SRRM4: variants seen among roughly 807,000 people sequenced by gnomAD.
SRRM4 encodes serine/arginine repetitive matrix protein 4.
A neutral mutation model predicts 68.9 loss-of-function variants in SRRM4; 33 were observed. The ratio of observed to expected loss-of-function variants is 0.48; its 90% CI spans 0.36 to 0.64. The LOEUF (loss-of-function observed/expected upper bound fraction) is 0.64, where lower values mean the gene tolerates loss of function less well. SRRM4 is among the 30% of genes least tolerant of loss of function. The pLI, the probability that SRRM4 is intolerant of heterozygous loss-of-function variation, is 0.00. For synonymous variants in SRRM4, 318 were observed against 318.8 expected (o/e 1.00, Z 0.03); for missense variants, 817 against 827.1 (o/e 0.99, Z 0.15).
chr12:119,079,961 T>G (rs945519473), intron 1 of SRRM4, among the ~76,000 whole-genome samples: 5 of 152,156 alleles, frequency 3.3e-5, no homozygotes, highest in Non-Finnish European at 7.3e-5. Flanking sequence ...ATCTTTTTCT[T>G]TATTTAAATT....
rs1954461816 is a variant in SRRM4, at chr12:119,154,708, G to A, written c.1532+325G>A. Among the ~76,000 whole-genome samples the A allele has an allele frequency of 6.6e-6, 1 of 152,202 alleles. No individual in the cohort carries two copies. Among genetic ancestry groups the A allele is most frequent in the African/African-American group, 2.4e-5 (1 of 41,438 alleles). ...CTGGGGCCGGGGAGGCGGAGCTGGG[G>A]GAGAGAGTGGCGTCAGGCCAGGGAA... is the stretch of plus-strand genomic sequence containing the variant. On this transcript the variant is annotated intron_variant, in intron 12 of 12. Transcript: ENST00000267260. This position sits in a 1 kb window ranked among gnomAD's most constrained non-coding sequence, Gnocchi z 4.7.
Position 119,151,218 on chromosome 12 carries a change from A to G in SRRM4, c.1278A>G (p.Lys426=), listed in dbSNP as rs1408689272. ...AAAGCCGATCCACCTCTTCTGAAAA[A>G]AGGTGAGTGTGGTTTTGACCTTTGC... ...YTQSRSTSSE[K]RSYSRSPSYS... is the part of the protein sequence containing the mutation. The change falls in exon 10 of 13, where the codon AAA becomes AAG. Residue 426 remains lysine (K), a splice_region_variant and synonymous_variant. Coordinates refer to ENST00000267260, the MANE Select transcript of SRRM4 (RefSeq NM_194286.4). The G allele has an allele frequency of 1.2e-6, 2 of 1,613,722 alleles. No individual in the cohort carries two copies. Among genetic ancestry groups the G allele is most frequent in the Admixed American group, 3.3e-5 (2 of 60,036 alleles).
chr12:119,044,610 C>G (rs1261054743), intron 1 of SRRM4, among the ~76,000 whole-genome samples: 1 of 151,770 alleles, frequency 6.6e-6, no homozygotes, highest in African/African-American at 2.4e-5. Flanking sequence ...GCTGTGTAGA[C>G]TTGGCCAAGT....
intron 3 of SRRM4, among the ~76,000 whole-genome samples, chr12:119,116,000 G>C (rs540517829): frequency 6.7e-4 from 102 of 152,150 alleles, no homozygotes; most frequent in Admixed American, 2.2e-3. Flanking sequence ...TCCTACACAG[G>C]ATCTTCGGCT....
At chr12:119,077,872 TTCTC>T (rs966409819) in intron 1 of SRRM4, among the ~76,000 whole-genome samples, 9 of 152,218 alleles carry the variant, frequency 5.9e-5, no homozygotes, top group African/African-American at 1.9e-4. Flanking sequence ...TAGGGGAACT[TTCTC>T]TCTCCCCAAC....
chr12:119,001,507 AT>A (rs1251627245), intron 1 of SRRM4: 1 of 152,218 alleles, frequency 6.6e-6, no homozygotes, highest in African/African-American at 2.4e-5. Context: ...CTTTCTCTGT[AT>A]GAGTGGAAGA....
At chr12:119,132,017 ATTC>A (rs1445089476) in intron 8 of SRRM4, among the ~76,000 whole-genome samples, 2 of 152,214 alleles carry the variant, frequency 1.3e-5, no homozygotes, top group African/African-American at 2.4e-5. Context: ...TCTGCAGTGC[ATTC>A]CAGGAATCTT....
At chr12:118,986,957 C>T (rs67336842) in intron 1 of SRRM4, among the ~76,000 whole-genome samples, 35,573 of 151,756 alleles carry the variant, frequency 0.23, 4,338 homozygotes, top group African/African-American at 0.26. Flanking sequence ...TTTACCTTCC[C>T]GTGAAGTGGA....
chr12:118,989,934 G>A (rs1160026353), intron 1 of SRRM4: 2 of 152,248 alleles, frequency 1.3e-5, no homozygotes, highest in Admixed American at 6.5e-5. Context: ...TCTGCAGAAA[G>A]AGAGGTGCCA....
chr12:119,053,525 G>A (rs1406444947), intron 1 of SRRM4, among the ~76,000 whole-genome samples: 1 of 152,178 alleles, frequency 6.6e-6, no homozygotes, highest in Non-Finnish European at 1.5e-5. Context: ...AAAGGTTTGT[G>A]ACTCTCTGTT....
At chr12:119,023,037 T>G (rs1224297256) in intron 1 of SRRM4, among the ~76,000 whole-genome samples, 1 of 152,224 alleles carries the variant, frequency 6.6e-6, no homozygotes, top group African/African-American at 2.4e-5. Context: ...TACTCCGTAC[T>G]TTTACCTACA....
At chr12:119,137,939 A>G (rs2136061677) in intron 8 of SRRM4, among the ~76,000 whole-genome samples, 1 of 152,192 alleles carries the variant, frequency 6.6e-6, no homozygotes, top group East Asian at 1.9e-4. Context: ...GAAGGAAGAG[A>G]TGAAACATAC....
intron 1 of SRRM4, among the ~76,000 whole-genome samples, chr12:119,083,846 T>C (rs907431569): frequency 2.6e-5 from 4 of 152,150 alleles, no homozygotes; most frequent in Non-Finnish European, 4.4e-5. Context: ...GCTGGGCATC[T>C]AAATACACAG....
intron 1 of SRRM4, among the ~76,000 whole-genome samples, chr12:118,998,712 C>T (rs1430425735): frequency 6.6e-6 from 1 of 152,230 alleles, no homozygotes; most frequent in Non-Finnish European, 1.5e-5. Context: ...ATGATAATTA[C>T]TGTGAAATAC....
At chr12:119,055,226 A>G (rs1953769100) in intron 1 of SRRM4, among the ~76,000 whole-genome samples, 1 of 152,146 alleles carries the variant, frequency 6.6e-6, no homozygotes, top group Non-Finnish European at 1.5e-5. Flanking sequence ...GAGTTTCGTC[A>G]CTTCTCTCCT....
chr12:119,018,277 G>A (rs990316689), intron 1 of SRRM4, among the ~76,000 whole-genome samples: 1 of 152,198 alleles, frequency 6.6e-6, no homozygotes, highest in Non-Finnish European at 1.5e-5. Flanking sequence ...GGAAGAAAAG[G>A]GGGGTTTTGG....
intron 1 of SRRM4, among the ~76,000 whole-genome samples, chr12:119,066,463 T>A (rs930255269): frequency 6.6e-6 from 1 of 152,208 alleles, no homozygotes; most frequent in African/African-American, 2.4e-5. Flanking sequence ...GTGGCCCCCA[T>A]GTCAGCAGAA....
intron 1 of SRRM4, among the ~76,000 whole-genome samples, chr12:119,055,833 T>C (rs141341061): frequency 1.3e-5 from 2 of 152,284 alleles, no homozygotes; most frequent in East Asian, 3.9e-4. Flanking sequence ...TGTCATAAAG[T>C]TGTTGGGAGG....
chr12:119,151,093 C>T lies in SRRM4; in HGVS notation c.1153C>T (p.Pro385Ser), dbSNP rs370821738. Reference sequence around the variant, plus strand: ...GGTCCCATCCACAGCCCGGAGCTCACCCATGAAAGGGTGTTCCCGCAGCTC... The same window carrying T: ...GGTCCCATCCACAGCCCGGAGCTCATCCATGAAAGGGTGTTCCCGCAGCTC... ...SLVPSTARSS[P>S]MKGCSRSSSY... Residue 385 changes from proline to serine, a missense_variant, in exon 10 of 13, where the codon CCC (proline) becomes TCC (serine). Transcript: ENST00000267260. 3.1e-6 allele frequency: 5 copies of T among 1,614,004 alleles called. No homozygotes were observed. The African/African-American group carries it at 5.3e-5, about 17-fold the overall frequency.
Sources: gnomAD v4.1 joint callset for allele counts (sites outside exome capture counted in the v4.1 genomes callset) on GRCh38, gnomAD v4.1.1 for gene constraint, Gnocchi (gnomAD v3.1) non-coding constraint, MANE v1.5 for transcripts, NCBI Gene and HGNC (gene_info 2026-07-23, HGNC 2026-07-21) for gene names.